SPMIP2: variants seen among roughly 807,000 people sequenced by gnomAD.
SPMIP2 encodes protein SPMIP2.
chr4:159,005,905 T>C, the SPMIP2 span, among the ~76,000 whole-genome samples: 2 of 152,146 alleles, frequency 1.3e-5, no homozygotes, highest in Non-Finnish European at 2.9e-5. Context: ...GCTGGGTCTA[T>C]GGGTGTGTGC....
At chr4:158,968,903 G>A in the SPMIP2 span, among the ~76,000 whole-genome samples, 325 of 152,160 alleles carry the variant, frequency 2.1e-3, no homozygotes, top group African/African-American at 6.8e-3. Context: ...TCATGACAGC[G>A]GAACTTGTGA....
At chr4:159,048,306 C>A in the SPMIP2 span, among the ~76,000 whole-genome samples, 8 of 152,176 alleles carry the variant, frequency 5.3e-5, no homozygotes, top group Admixed American at 1.3e-4. Flanking sequence ...GTAGGCAGGG[C>A]GCGCTGGAAT....
chr4:158,957,476 G>C, the SPMIP2 span, among the ~76,000 whole-genome samples: 2 of 152,010 alleles, frequency 1.3e-5, no homozygotes, highest in South Asian at 2.1e-4. Flanking sequence ...GCCCAGGCTG[G>C]AGTACAGTGA....
At chr4:159,022,324 A>G in the SPMIP2 span, among the ~76,000 whole-genome samples, 380 of 152,332 alleles carry the variant, frequency 2.5e-3, 4 homozygotes, top group African/African-American at 8.9e-3. Flanking sequence ...CCATTTTTAT[A>G]TTATCATTTA....
the SPMIP2 span, among the ~76,000 whole-genome samples, chr4:159,080,285 C>T: frequency 6.6e-6 from 1 of 152,106 alleles, no homozygotes; most frequent in Non-Finnish European, 1.5e-5. Context: ...GGCACAATCA[C>T]GGCTCACTGC....
chr4:158,893,726 G>T, the SPMIP2 span: 1 of 1,567,442 alleles, frequency 6.4e-7, no homozygotes, highest in Non-Finnish European at 8.7e-7. Context: ...TTCTGTAAGA[G>T]AAGTAATGTA....
At chr4:158,900,512 G>A in the SPMIP2 span, among the ~76,000 whole-genome samples, 1 of 152,274 alleles carries the variant, frequency 6.6e-6, no homozygotes, top group South Asian at 2.1e-4. Context: ...TTATGAATCT[G>A]GGTCCTTCTG....
the SPMIP2 span, among the ~76,000 whole-genome samples, chr4:159,028,208 G>A: frequency 1.3e-5 from 2 of 152,024 alleles, no homozygotes; most frequent in African/African-American, 4.8e-5. Context: ...ATCTGTTATA[G>A]TGCCTTTTTA....
At chr4:158,899,430 A>G in the SPMIP2 span, among the ~76,000 whole-genome samples, 1 of 152,194 alleles carries the variant, frequency 6.6e-6, no homozygotes, top group Non-Finnish European at 1.5e-5. Context: ...AAGGAATGGT[A>G]CCAGCTCCTG....
At chr4:159,019,735 G>A in the SPMIP2 span, among the ~76,000 whole-genome samples, 2 of 152,168 alleles carry the variant, frequency 1.3e-5, no homozygotes, top group African/African-American at 2.4e-5. Context: ...GGCTGTGGCA[G>A]GAACAAGGTT....
At chr4:158,970,403 G>T in the SPMIP2 span, among the ~76,000 whole-genome samples, 1 of 152,076 alleles carries the variant, frequency 6.6e-6, no homozygotes, top group Non-Finnish European at 1.5e-5. Context: ...ATCTAGGTGT[G>T]GTGGCATGTG....
At chr4:159,019,571 C>T in the SPMIP2 span, among the ~76,000 whole-genome samples, 4 of 152,106 alleles carry the variant, frequency 2.6e-5, no homozygotes, top group Admixed American at 2.6e-4. Flanking sequence ...AAGTGGATGT[C>T]ATGGCACTGG....
the SPMIP2 span, among the ~76,000 whole-genome samples, chr4:158,911,009 T>C: frequency 6.6e-6 from 1 of 152,330 alleles, no homozygotes; most frequent in South Asian, 2.1e-4. Flanking sequence ...CAGAAAATTG[T>C]CATTCCAAGT....
At chr4:158,946,730 T>C in the SPMIP2 span, among the ~76,000 whole-genome samples, 2 of 152,232 alleles carry the variant, frequency 1.3e-5, no homozygotes, top group African/African-American at 2.4e-5. Flanking sequence ...GACTGACAGA[T>C]ATGCATCTTG....
At chr4:158,992,701 T>G in the SPMIP2 span, among the ~76,000 whole-genome samples, 102 of 152,312 alleles carry the variant, frequency 6.7e-4, no homozygotes, top group African/African-American at 2.4e-3. Flanking sequence ...GCTCTCTGCT[T>G]CTAAGATGGT....
At chr4:159,038,392 G>C in the SPMIP2 span, among the ~76,000 whole-genome samples, 4 of 152,246 alleles carry the variant, frequency 2.6e-5, no homozygotes, top group Non-Finnish European at 5.9e-5. Flanking sequence ...TTGTTAGTGT[G>C]ATTGAACATG....
At chr4:158,997,920 G>T in the SPMIP2 span, among the ~76,000 whole-genome samples, 8 of 152,196 alleles carry the variant, frequency 5.3e-5, no homozygotes, top group African/African-American at 1.7e-4. Flanking sequence ...GCCTCCCAAA[G>T]TGCTGGGATT....
chr4:159,039,265 A>T, the SPMIP2 span, among the ~76,000 whole-genome samples: 5 of 152,286 alleles, frequency 3.3e-5, no homozygotes, highest in Admixed American at 6.5e-5. Context: ...ACGAGCAGAC[A>T]CTGGTTGGTG....
At chr4:159,030,820 T>C in the SPMIP2 span, among the ~76,000 whole-genome samples, 1 of 152,162 alleles carries the variant, frequency 6.6e-6, no homozygotes, top group Non-Finnish European at 1.5e-5. Flanking sequence ...AAAATTAAAT[T>C]AGAAATCAAT....
Sources: gnomAD v4.1 joint callset for allele counts (sites outside exome capture counted in the v4.1 genomes callset) on GRCh38, gnomAD v4.1.1 for gene constraint, MANE v1.5 for transcripts, NCBI Gene and HGNC (gene_info 2026-07-23, HGNC 2026-07-21) for gene names.